The following GALM variants were observed in gnomAD, a reference collection of about 807,000 sequenced individuals.
GALM encodes aldose 1-epimerase.
In GALM, 43 loss-of-function variants were observed where a neutral mutation model predicts 37.4. The observed-to-expected ratio is 1.15, with a 90% CI of 0.90 to 1.48. GALM has a LOEUF of 1.48. Ranked by LOEUF, GALM falls within the 40% of genes most tolerant of loss-of-function variation. The probability of loss-of-function intolerance (pLI) is 0.00; values close to 1 mark genes in which losing one functional copy is unlikely to be tolerated. For synonymous variants in GALM, 199 were observed against 170.6 expected (o/e 1.17, Z -1.30); for missense variants, 456 against 419.1 (o/e 1.09, Z -0.77).
At position 38,711,114 on chromosome 2, in the gene GALM, A is replaced by G. The variant is rs146645548; in HGVS notation, c.635-18442A>G. On this transcript the variant is annotated intron_variant, in intron 4 of 6. Transcript: ENST00000272252. ...TTAGGCCTCTCCTCTTGTGATACCC[A>G]TGCTGCAAAAAGTAGCTTGGGACTG... Among the ~76,000 whole-genome samples the G allele has an allele frequency of 4.7e-3, 703 of 149,386 alleles. 23 individuals carry two copies. The East Asian group carries it at 0.066, about 14-fold the overall frequency.
chr2:38,713,602 C>G (rs1006585610), intron 4 of GALM, among the ~76,000 whole-genome samples: 5 of 152,144 alleles, frequency 3.3e-5, no homozygotes, highest in African/African-American at 4.8e-5. Flanking sequence ...TGGTCTCAAG[C>G]TCTGTCTAGG....
chr2:38,666,480 T>A (rs1046082448), intron 1 of GALM, 129 bp downstream of exon 1: 6 of 640,522 alleles, frequency 9.4e-6, no homozygotes, highest in African/African-American at 9.3e-5. Flanking sequence ...CCGTCTGACT[T>A]GCAAGCGCAT....
At chr2:38,689,699 C>A in intron 3 of GALM, 114 bp from the exon 4 acceptor site, 1 of 657,496 alleles carries the variant, frequency 1.5e-6, no homozygotes, top group Non-Finnish European at 2.7e-6. Context: ...ATCAGCCAAA[C>A]AAGATTTTAA....
At chr2:38,719,220 T>G (rs1245438160) in intron 4 of GALM, among the ~76,000 whole-genome samples, 3 of 149,490 alleles carry the variant, frequency 2.0e-5, no homozygotes, top group Non-Finnish European at 4.4e-5. Context: ...GCCTGTAATC[T>G]CAACACTTTG....
intron 3 of GALM, among the ~76,000 whole-genome samples, chr2:38,688,393 C>A (rs1305408261): frequency 2.0e-5 from 3 of 152,050 alleles, no homozygotes; most frequent in Non-Finnish European, 4.4e-5. Flanking sequence ...TGCCTGTAAT[C>A]CCAGCTACTA....
chr2:38,674,343 C>T (rs1052118081), intron 1 of GALM, among the ~76,000 whole-genome samples: 2 of 152,018 alleles, frequency 1.3e-5, no homozygotes, highest in Non-Finnish European at 2.9e-5. Flanking sequence ...GCACAGGCCA[C>T]GACACCCAGC....
At chr2:38,702,892 CTA>C (rs143376662) in intron 4 of GALM, among the ~76,000 whole-genome samples, 11 of 140,258 alleles carry the variant, frequency 7.8e-5, no homozygotes, top group Non-Finnish European at 9.2e-5. Flanking sequence ...GTTTTAAACA[CTA>C]TATATATATA....
At chr2:38,724,678 C>G (rs1242147250) in intron 4 of GALM, among the ~76,000 whole-genome samples, 2 of 152,056 alleles carry the variant, frequency 1.3e-5, no homozygotes, top group Non-Finnish European at 2.9e-5. Context: ...TCCCAGTTTT[C>G]TAATTTTAAG....
At chr2:38,674,070 G>C (rs1227486353) in intron 1 of GALM, among the ~76,000 whole-genome samples, 1 of 152,132 alleles carries the variant, frequency 6.6e-6, no homozygotes, top group African/African-American at 2.4e-5. Flanking sequence ...CCATTGGAAA[G>C]GAGGGGAGTG....
chr2:38,683,857 G>A (rs577423229), intron 3 of GALM, among the ~76,000 whole-genome samples: 5 of 152,132 alleles, frequency 3.3e-5, no homozygotes, highest in East Asian at 1.9e-4. Flanking sequence ...GTGAGCCACC[G>A]CACCTGGCCC....
chr2:38,705,733 AGT>A lies in GALM; in HGVS notation c.634+15846_634+15847del, dbSNP rs551705469. On this transcript the variant is annotated intron_variant, in intron 4 of 6. Coordinates refer to ENST00000272252, the MANE Select transcript of GALM (RefSeq NM_138801.3). ...TGCATGTGCAGGGTCAGCACCTGAGAGTGTGTGTCTTCTTAAATTTTGCACCC... is the reference window on the plus strand; with the variant it reads ...TGCATGTGCAGGGTCAGCACCTGAGAGTGTGTCTTCTTAAATTTTGCACCC... Among the ~76,000 whole-genome samples, 59 of 152,292 alleles carry A rather than the reference AGT, an allele frequency of 3.9e-4. 1 individual carries two copies. The South Asian group carries it at 0.011, about 27-fold the overall frequency.
chr2:38,695,107 A>G (rs898465240), intron 4 of GALM, among the ~76,000 whole-genome samples: 1 of 151,908 alleles, frequency 6.6e-6, no homozygotes, highest in Non-Finnish European at 1.5e-5. Flanking sequence ...TGAAAATGAT[A>G]GAAAAATCAC....
At chr2:38,701,902 A>T (rs1449675138) in intron 4 of GALM, among the ~76,000 whole-genome samples, 1 of 152,164 alleles carries the variant, frequency 6.6e-6, no homozygotes, top group East Asian at 1.9e-4. Context: ...AATATTGGAC[A>T]TATTTGTTTC....
intron 1 of GALM, among the ~76,000 whole-genome samples, chr2:38,670,777 G>C (rs1665080369): frequency 6.6e-6 from 1 of 152,272 alleles, no homozygotes. Flanking sequence ...TGCAAAAAAT[G>C]GCATGGAGAT....
chr2:38,676,155 CAT>C lies in GALM; in HGVS notation c.345+90_345+91del, dbSNP rs1665256354. The stretch of plus-strand genomic sequence containing the variant: ...AGGCACAGTCATAGGCCCTAGAGCA[CAT>C]GAGTGGTGAGATGCAGGAAAGAGGC... On this transcript the variant is annotated intron_variant, in intron 2 of 6. Transcript: ENST00000272252. 11 of 1,323,822 alleles carry C rather than the reference CAT, an allele frequency of 8.3e-6. 1 individual carries two copies. In the Middle Eastern group the frequency reaches 1.0e-3, roughly 121 times the overall value. The allele number at this position is 1,323,822 out of a possible 1,614,324, so 82.0% of individuals were successfully genotyped here.
rs112628295 is a variant in GALM, at chr2:38,733,534, A to G, written c.998A>G (p.His333Arg). The change falls in exon 7 of 7, where the codon CAC becomes CGC. Residue 333 changes from histidine (H) to arginine (R), a missense_variant. His to Arg is a conservative substitution (Grantham distance 29). Transcript: ENST00000272252. The part of the protein sequence containing the change: ...VLLRPGEEYD[H>R]TTWFKFSVA The stretch of plus-strand genomic sequence containing the variant: ...CTGAGGCCTGGTGAGGAGTATGACC[A>G]CACCACCTGGTTCAAGTTTTCTGTG... 44 of 1,613,976 alleles carry G rather than the reference A, an allele frequency of 2.7e-5. No individual in the cohort carries two copies. In the African/African-American group the frequency reaches 4.1e-4, roughly 15 times the overall value.
In GALM at chr2:38,729,494, G is replaced by A. The variant is rs1435023246; in HGVS notation, c.635-62G>A. ...AGTAGAACCAGTGAGCCTTTGTGGA[G>A]GCTCTATATAAAGATGAGACTTGGG... On this transcript the variant is annotated intron_variant, in intron 4 of 6. Coordinates refer to ENST00000272252, the MANE Select transcript of GALM (RefSeq NM_138801.3). 5.4e-6 allele frequency: 8 copies of A among 1,483,066 alleles called. No individual in the cohort carries two copies. The Admixed American group carries it at 7.4e-5, about 14-fold the overall frequency. The allele number at this position is 1,483,066 out of a possible 1,614,324, so 91.9% of individuals were successfully genotyped here.
At chr2:38,733,007 G>A (rs1038872666) in intron 6 of GALM, among the ~76,000 whole-genome samples, 6 of 151,850 alleles carry the variant, frequency 4.0e-5, no homozygotes, top group Admixed American at 3.9e-4. Context: ...TATCACTTGA[G>A]GTCAGGAGTT....
intron 4 of GALM, among the ~76,000 whole-genome samples, chr2:38,706,404 G>A (rs1425636274): frequency 6.6e-6 from 1 of 150,702 alleles, no homozygotes; most frequent in Non-Finnish European, 1.5e-5. Context: ...GTTGGGCGTG[G>A]TGGCTCACAC....
Sources: allele counts gnomAD v4.1 joint callset (sites outside exome capture counted in the v4.1 genomes callset), GRCh38; gene constraint gnomAD v4.1.1; transcripts MANE v1.5; gene names NCBI Gene and HGNC (gene_info 2026-07-23, HGNC 2026-07-21).